The following SLC22A23 variants were observed in gnomAD, a reference collection of about 807,000 sequenced individuals.
SLC22A23 encodes solute carrier family 22 member 23, also known as ion transporter protein.
SLC22A23 carries 26 observed loss-of-function variants against 61.0 expected under a neutral mutation model. The ratio of observed to expected loss-of-function variants is 0.43; its 90% CI spans 0.31 to 0.59. SLC22A23 has a LOEUF of 0.59. Among genes scored for constraint, SLC22A23 ranks in the 20% least tolerant of loss-of-function variants. SLC22A23 has a pLI of 0.11. For missense variants in SLC22A23, 796 were observed against 934.7 expected (o/e 0.85, Z 1.94); for synonymous variants, 430 against 413.9 (o/e 1.04, Z -0.47).
chr6:3,335,305 G>A (rs1213547488), intron 3 of SLC22A23, among the ~76,000 whole-genome samples: 1 of 152,168 alleles, frequency 6.6e-6, no homozygotes, highest in Non-Finnish European at 1.5e-5. Flanking sequence ...AACACCCCAT[G>A]CCATCTTGCT....
rs1763502573 is a variant in SLC22A23, at chr6:3,330,062, TG to T, written c.914-6061del. 1.3e-5 allele frequency among the ~76,000 whole-genome samples: 2 copies of T among 152,166 alleles called. No homozygotes were observed. The highest frequency in any genetic ancestry group is 2.4e-5 in the African/African-American group (1 of 41,430). On this transcript the variant is annotated intron_variant, in intron 3 of 9. Coordinates refer to ENST00000406686, the MANE Select transcript of SLC22A23 (RefSeq NM_015482.2). This position sits in a 1 kb window ranked among gnomAD's most constrained non-coding sequence, Gnocchi z 4.7. ...ACTGGGCCACTAGGACACCGGGGCT[TG>T]GGGATCCCACCGCCCTGCCCAGCCC... is the stretch of plus-strand genomic sequence containing the variant.
intron 9 of SLC22A23, among the ~76,000 whole-genome samples, chr6:3,281,625 G>A (rs985559693): frequency 4.6e-5 from 7 of 152,136 alleles, no homozygotes; most frequent in African/African-American, 1.4e-4. Context: ...GCTGCCCATC[G>A]TGGCTTATCT....
At chr6:3,279,531 A>AAAAAAAAAAAAAAAAAAAAAAAC (rs1759237252) in intron 9 of SLC22A23, among the ~76,000 whole-genome samples, 1 of 147,390 alleles carries the variant, frequency 6.8e-6, no homozygotes, top group Non-Finnish European at 1.5e-5. Context: ...AAAAAAAAAA[A>AAAAAAAAAAAAAAAAAAAAAAAC]AAAAATCCTT....
In SLC22A23 at chr6:3,295,289, G is replaced by A. The variant is rs1278561492; in HGVS notation, c.1210+2802C>T. On this transcript the variant is annotated intron_variant, in intron 5 of 9. Transcript: ENST00000406686. ...TGGGGGCTGACTTGGTCTCTGAGGA[G>A]CTGGGCAAGGCAAGAGTGGGGAGCT... Among the ~76,000 whole-genome samples the A allele has an allele frequency of 5.4e-5, 7 of 130,122 alleles. No individual in the cohort carries two copies. In the South Asian group the frequency reaches 1.7e-3, roughly 31 times the overall value. The allele number at this position is 130,122 out of a possible 152,430, so 85.4% of individuals were successfully genotyped here.
Position 3,289,750 on chromosome 6 carries a change from C to T in SLC22A23, c.1313+14G>A. On this transcript the variant is annotated intron_variant, in intron 6 of 9. Coordinates refer to ENST00000406686, the MANE Select transcript of SLC22A23 (RefSeq NM_015482.2). ...CCCCTCCCACCCAGCTGGCACTTGTCCTCTGTGACTCACGAGTTCACACAC... is the reference window on the plus strand; with the variant it reads ...CCCCTCCCACCCAGCTGGCACTTGTTCTCTGTGACTCACGAGTTCACACAC... 2 of 1,611,288 alleles carry T rather than the reference C, an allele frequency of 1.2e-6. No homozygotes were observed. The highest frequency in any genetic ancestry group is 1.7e-6 in the Non-Finnish European group (2 of 1,177,790).
intron 1 of SLC22A23, among the ~76,000 whole-genome samples, chr6:3,435,598 G>A (rs181189839): frequency 7.2e-5 from 11 of 152,214 alleles, no homozygotes; most frequent in African/African-American, 1.9e-4. Context: ...CAGACTGGAC[G>A]GAAAGCCCAC....
intron 4 of SLC22A23, among the ~76,000 whole-genome samples, chr6:3,302,697 T>A (rs1398045678): frequency 1.3e-5 from 2 of 152,240 alleles, no homozygotes; most frequent in African/African-American, 2.4e-5. Context: ...ACCCATTGGT[T>A]GTTCATGAGT....
chr6:3,439,371 C>A, intron 1 of SLC22A23: 1 of 448,228 alleles, frequency 2.2e-6, no homozygotes. Context: ...GAAAGTTCCC[C>A]AGGGTGACTC....
At chr6:3,405,184 C>T (rs58723026) in intron 3 of SLC22A23, among the ~76,000 whole-genome samples, 4,085 of 151,990 alleles carry the variant, frequency 0.027, 189 homozygotes, top group African/African-American at 0.093. Context: ...TCACTTGAAC[C>T]TGGGGGGCGG....
In SLC22A23 at chr6:3,360,331, C is replaced by T. The variant is rs921545929; in HGVS notation, c.914-36329G>A. On this transcript the variant is annotated intron_variant, in intron 3 of 9. Coordinates refer to ENST00000406686, the MANE Select transcript of SLC22A23 (RefSeq NM_015482.2). The surrounding 1 kb of genome is among the most constrained non-coding windows in gnomAD (Gnocchi z 4.6). ...AAAACAACAACAAAAAAGGCAAGTCCGTAGTATTGGCCTTTGAGAGCTCTG... is the reference window on the plus strand; with the variant it reads ...AAAACAACAACAAAAAAGGCAAGTCTGTAGTATTGGCCTTTGAGAGCTCTG... Among the ~76,000 whole-genome samples, 17 of 152,276 alleles carry T rather than the reference C, an allele frequency of 1.1e-4. No individual in the cohort carries two copies. The highest frequency in any genetic ancestry group is 3.4e-4 in the African/African-American group (14 of 41,544).
chr6:3,376,245 T>G (rs1056704132), intron 3 of SLC22A23, among the ~76,000 whole-genome samples: 1 of 152,200 alleles, frequency 6.6e-6, no homozygotes, highest in Non-Finnish European at 1.5e-5. Flanking sequence ...CTCCTCCTCC[T>G]TCTTCATTTC....
Position 3,318,873 on chromosome 6 carries a change from T to C in SLC22A23, c.1082+4961A>G, listed in dbSNP as rs1762790606. ...AGGAAACAGACCCAGCTGCCATCACTGCCTCCTCTCTCACCTTTGAGAGTC... is the reference window on the plus strand; with the variant it reads ...AGGAAACAGACCCAGCTGCCATCACCGCCTCCTCTCTCACCTTTGAGAGTC... On this transcript the variant is annotated intron_variant, in intron 4 of 9. Coordinates refer to ENST00000406686, the MANE Select transcript of SLC22A23 (RefSeq NM_015482.2). This position sits in a 1 kb window ranked among gnomAD's most constrained non-coding sequence, Gnocchi z 4.3. Among the ~76,000 whole-genome samples, 1 of 152,148 alleles carries C rather than the reference T, an allele frequency of 6.6e-6. No individual in the cohort carries two copies. The highest frequency in any genetic ancestry group is 1.5e-5 in the Non-Finnish European group (1 of 68,018).
chr6:3,283,217 AG>A (rs201781965), intron 9 of SLC22A23, among the ~76,000 whole-genome samples: 3,947 of 152,200 alleles, frequency 0.026, 185 homozygotes, highest in African/African-American at 0.091. Context: ...GGATCACCTG[AG>A]GTCAGGAGTT....
intron 3 of SLC22A23, among the ~76,000 whole-genome samples, chr6:3,336,917 C>T (rs1027658740): frequency 6.6e-6 from 1 of 151,882 alleles, no homozygotes; most frequent in African/African-American, 2.4e-5. Context: ...CCACTTCAGC[C>T]TCCCACTTCA....
chr6:3,439,507 A>G (rs1467252423), intron 1 of SLC22A23: 2 of 240,398 alleles, frequency 8.3e-6, no homozygotes, highest in South Asian at 4.6e-5. Flanking sequence ...TCCAGAGCCC[A>G]GTATGATCCA....
intron 5 of SLC22A23, among the ~76,000 whole-genome samples, chr6:3,296,174 G>A (rs925746426): frequency 6.6e-6 from 1 of 152,222 alleles, no homozygotes; most frequent in African/African-American, 2.4e-5. Context: ...GAGGTCTGGG[G>A]AAATCTGGGA....
At chr6:3,404,216 T>C (rs1768636624) in intron 3 of SLC22A23, among the ~76,000 whole-genome samples, 1 of 123,778 alleles carries the variant, frequency 8.1e-6, no homozygotes, top group Non-Finnish European at 1.6e-5. Flanking sequence ...TGGACATAGA[T>C]CTACCTTCAC....
rs569879785 is a variant in SLC22A23 at position 3,317,718 on chromosome 6, C to T, written c.1082+6116G>A. ...TCAGTGCAATCACCCAGCGCTTTGA[C>T]GGCGTCTACTTTCAGGTGAAAAACA... On this transcript the variant is annotated intron_variant, in intron 4 of 9. Coordinates refer to ENST00000406686, the MANE Select transcript of SLC22A23 (RefSeq NM_015482.2). This position sits in a 1 kb window ranked among gnomAD's most constrained non-coding sequence, Gnocchi z 4.4. Among the ~76,000 whole-genome samples, 18 of 152,270 alleles carry T rather than the reference C, an allele frequency of 1.2e-4. No homozygotes were observed. The highest frequency in any genetic ancestry group is 2.2e-4 in the African/African-American group (9 of 41,542).
intron 9 of SLC22A23, among the ~76,000 whole-genome samples, chr6:3,279,164 A>C (rs992978908): frequency 2.0e-5 from 3 of 152,152 alleles, no homozygotes; most frequent in Non-Finnish European, 4.4e-5. Flanking sequence ...ATAATATGGA[A>C]TATATCTTTT....
Sources: allele counts gnomAD v4.1 joint callset (sites outside exome capture counted in the v4.1 genomes callset), GRCh38; gene constraint gnomAD v4.1.1; non-coding constraint Gnocchi (gnomAD v3.1); transcripts MANE v1.5; gene names NCBI Gene and HGNC (gene_info 2026-07-23, HGNC 2026-07-21).